Variants in RORA observed in about 807,000 individuals in gnomAD.
RORA encodes the protein nuclear receptor ROR-alpha.
RORA carries 7 observed loss-of-function variants against 69.5 expected under a neutral mutation model. The ratio of observed to expected loss-of-function variants is 0.10; its 90% confidence interval spans 0.06 to 0.19. The LOEUF is 0.19. RORA is among the 10% of genes least tolerant of loss of function. The pLI is 1.00. For missense variants in RORA, 457 were observed against 663.0 expected (o/e 0.69, Z 3.41); for synonymous variants, 261 against 240.8 (o/e 1.08, Z -0.78).
chr15:61,181,537 A>G (rs2079685634), intron 1 of RORA: 5 of 152,140 alleles, frequency 3.3e-5, no homozygotes, highest in African/African-American at 1.2e-4. Flanking sequence ...TGCTTATGGG[A>G]CGTCAAAGAG....
intron 2 of RORA, among the ~76,000 whole-genome samples, chr15:60,555,078 T>C (rs2067320622): frequency 6.6e-6 from 1 of 152,196 alleles, no homozygotes; most frequent in African/African-American, 2.4e-5. Flanking sequence ...GGTGATAATC[T>C]TCAGCGTGCC....
At chr15:61,104,727 T>C (rs1851641217) in intron 1 of RORA, among the ~76,000 whole-genome samples, 1 of 152,290 alleles carries the variant, frequency 6.6e-6, no homozygotes, top group African/African-American at 2.4e-5. Context: ...TCTTTGCATA[T>C]CCTGTTCCTT....
intron 1 of RORA, among the ~76,000 whole-genome samples, chr15:60,904,457 AAAG>A (rs1891476640): frequency 6.6e-6 from 1 of 152,196 alleles, no homozygotes; most frequent in African/African-American, 2.4e-5. Context: ...CAGGGATGGA[AAAG>A]AAGGGTCACT....
chr15:60,778,858 C>T (rs1013440599), intron 1 of RORA, among the ~76,000 whole-genome samples: 1 of 152,156 alleles, frequency 6.6e-6, no homozygotes, highest in African/African-American at 2.4e-5. Context: ...AATCTGATTA[C>T]ATTTTATCTT....
intron 1 of RORA, among the ~76,000 whole-genome samples, chr15:60,906,343 T>C (rs1044857347): frequency 1.3e-5 from 2 of 152,180 alleles, no homozygotes; most frequent in Non-Finnish European, 2.9e-5. Context: ...GCTGAGCTAG[T>C]GAATTATCAC....
intron 1 of RORA, among the ~76,000 whole-genome samples, chr15:61,007,811 T>TA (rs904557198): frequency 3.4e-5 from 5 of 147,536 alleles, no homozygotes; most frequent in Non-Finnish European, 6.0e-5. Flanking sequence ...GTTACATATA[T>TA]AAAAAATATT....
chr15:61,166,076 G>C (rs1238109874), intron 1 of RORA, among the ~76,000 whole-genome samples: 2 of 152,186 alleles, frequency 1.3e-5, no homozygotes, highest in African/African-American at 4.8e-5. Context: ...CTTCTGAGTG[G>C]GGGGCATCAG....
At position 60,819,767 on chromosome 15, in the gene RORA, A is replaced by ACACACACACACACACACACACACGCG. The variant is rs2072867651; in HGVS notation, c.167-141082_167-141081insCGCGTGTGTGTGTGTGTGTGTGTGTG. On this transcript the variant is annotated intron_variant, in intron 1 of 10. Coordinates refer to ENST00000335670, the MANE Select transcript of RORA (RefSeq NM_134261.3). ...CCCAGACACACACACACACACACAC[A>ACACACACACACACACACACACACGCG]CACACACACACACACACACACACAC... is the stretch of plus-strand genomic sequence containing the variant. 4.7e-5 allele frequency among the ~76,000 whole-genome samples: 7 copies of ACACACACACACACACACACACACGCG among 147,532 alleles called. No homozygotes were observed. The Admixed American group carries it at 4.8e-4, about 10-fold the overall frequency.
intron 1 of RORA, among the ~76,000 whole-genome samples, chr15:60,950,453 G>A (rs1433865910): frequency 1.4e-3 from 118 of 83,172 alleles, no homozygotes; most frequent in East Asian, 8.4e-3. Context: ...AACTTTAAAT[G>A]TAAATGGACT....
intron 1 of RORA, among the ~76,000 whole-genome samples, chr15:60,932,247 A>G (rs962472879): frequency 6.6e-6 from 1 of 152,218 alleles, no homozygotes; most frequent in African/African-American, 2.4e-5. Flanking sequence ...AAAGCTTCTC[A>G]AAGAAGAAAT....
chr15:61,002,942 T>G (rs1595871653), intron 1 of RORA, among the ~76,000 whole-genome samples: 2 of 128,674 alleles, frequency 1.6e-5, no homozygotes, highest in Non-Finnish European at 3.2e-5. Flanking sequence ...CCATCTTGCC[T>G]AACACAGTGA....
At chr15:60,784,665 G>C (rs910398684) in intron 1 of RORA, among the ~76,000 whole-genome samples, 1 of 152,210 alleles carries the variant, frequency 6.6e-6, no homozygotes, top group Admixed American at 6.5e-5. Context: ...TGAAGAGAAA[G>C]CTTTCAGTGT....
intron 2 of RORA, among the ~76,000 whole-genome samples, chr15:60,553,185 A>T (rs1004604454): frequency 3.9e-5 from 6 of 152,212 alleles, no homozygotes; most frequent in African/African-American, 1.4e-4. Context: ...ATAATACTCA[A>T]TAATCAAAGT....
chr15:61,065,114 G>A (rs994431900), intron 1 of RORA, among the ~76,000 whole-genome samples: 1 of 152,144 alleles, frequency 6.6e-6, no homozygotes, highest in Admixed American at 6.5e-5. Flanking sequence ...CTTCTTCCAG[G>A]AAGACTTCCT....
At chr15:60,578,723 TAATA>T (rs1262269785) in intron 2 of RORA, among the ~76,000 whole-genome samples, 1 of 151,990 alleles carries the variant, frequency 6.6e-6, no homozygotes, top group Non-Finnish European at 1.5e-5. Context: ...TTAATAAAGT[TAATA>T]AATTTTTCTG....
At chr15:60,871,823 G>C (rs1475744658) in intron 1 of RORA, among the ~76,000 whole-genome samples, 1 of 152,144 alleles carries the variant, frequency 6.6e-6, no homozygotes, top group Non-Finnish European at 1.5e-5. Context: ...GACATTAGTG[G>C]AAAAAACTGG....
At chr15:60,925,794 G>A (rs1892200446) in intron 1 of RORA, among the ~76,000 whole-genome samples, 2 of 152,196 alleles carry the variant, frequency 1.3e-5, no homozygotes, top group African/African-American at 4.8e-5. Context: ...GTCCATTTTT[G>A]TGTTCTGCTG....
intron 1 of RORA, among the ~76,000 whole-genome samples, chr15:61,204,498 G>A (rs962970703): frequency 3.9e-5 from 6 of 152,312 alleles, no homozygotes; most frequent in South Asian, 4.1e-4. Flanking sequence ...AGGCGAGCAC[G>A]TATGTGAGTA....
chr15:60,683,320 T>C (rs1197126986), intron 1 of RORA, among the ~76,000 whole-genome samples: 1 of 151,878 alleles, frequency 6.6e-6, no homozygotes, highest in Non-Finnish European at 1.5e-5. Flanking sequence ...CAACATGATT[T>C]CTTAATTTCC....
Sources: gnomAD v4.1 joint callset for allele counts (sites outside exome capture counted in the v4.1 genomes callset) on GRCh38, gnomAD v4.1.1 for gene constraint, MANE v1.5 for transcripts, NCBI Gene and HGNC (gene_info 2026-07-23, HGNC 2026-07-21) for gene names.